Variants in DOCK3 observed in about 807,000 individuals in gnomAD.
The protein encoded by DOCK3 is dedicator of cytokinesis 3.
In DOCK3, 60 loss-of-function variants were observed where a neutral mutation model predicts 265.6. That is an observed-to-expected ratio of 0.23 (90% CI 0.18 to 0.28). DOCK3 has a LOEUF of 0.28. Ranked by LOEUF, DOCK3 falls within the 10% of genes least tolerant of loss-of-function variation. DOCK3 has a pLI of 1.00. For missense variants in DOCK3, 1,981 were observed against 2,594.3 expected, an observed-to-expected ratio of 0.76 and a Z score of 5.14; for synonymous variants, 881 against 938.0, an observed-to-expected ratio of 0.94 and a Z score of 1.11.
At chr3:51,339,097 G>A in intron 37 of DOCK3, 69 bp downstream of exon 37, 3 of 1,341,496 alleles carry the variant, frequency 2.2e-6, no homozygotes, top group Non-Finnish European at 3.0e-6. Context: ...ACAATAGGCA[G>A]AGAAAGGCTT....
intron 12 of DOCK3, among the ~76,000 whole-genome samples, chr3:51,169,754 AAAAAG>A (rs2107616804): frequency 6.6e-6 from 1 of 152,320 alleles, no homozygotes; most frequent in Admixed American, 6.5e-5. Flanking sequence ...TTAAAAAAAA[AAAAAG>A]AAATGGTCAT....
In DOCK3 at chr3:51,107,192, GA is replaced by G. The variant is rs200220461; in HGVS notation, c.746+16817del. On this transcript the variant is annotated intron_variant, in intron 9 of 52. Coordinates refer to ENST00000266037, the MANE Select transcript of DOCK3 (RefSeq NM_004947.5). ...CAAGGTCATTAAGTAGTATAAAAGG[GA>G]AAAAAAAACCATCCAAAGGATAGCA... Among the ~76,000 whole-genome samples the G allele has an allele frequency of 7.5e-3, 1,121 of 150,122 alleles. 12 individuals are homozygous for G. Among genetic ancestry groups the G allele is most frequent in the African/African-American group, 0.025 (1,038 of 40,938 alleles).
intron 49 of DOCK3, among the ~76,000 whole-genome samples, chr3:51,370,571 A>T (rs1043845335): frequency 5.3e-5 from 8 of 152,242 alleles, no homozygotes; most frequent in Non-Finnish European, 8.8e-5. Flanking sequence ...TTATTCACTT[A>T]TCAAGCTTTT....
intron 6 of DOCK3, among the ~76,000 whole-genome samples, chr3:51,071,121 G>A (rs1228763624): frequency 2.0e-5 from 3 of 152,108 alleles, no homozygotes; most frequent in African/African-American, 4.8e-5. Context: ...AGATAAAATA[G>A]AACATAGAAT....
chr3:51,296,441 A>G (rs1343272120), intron 27 of DOCK3, among the ~76,000 whole-genome samples: 1 of 152,136 alleles, frequency 6.6e-6, no homozygotes, highest in East Asian at 1.9e-4. Flanking sequence ...TAGATCAACA[A>G]AACTGGAGAG....
chr3:50,803,027 C>T (rs376089733), intron 2 of DOCK3, among the ~76,000 whole-genome samples: 7 of 147,096 alleles, frequency 4.8e-5, no homozygotes, highest in Admixed American at 6.8e-5. Flanking sequence ...TACAGAAATT[C>T]TTTTTTTTTT....
intron 7 of DOCK3, among the ~76,000 whole-genome samples, chr3:51,082,471 C>T (rs1294504369): frequency 6.6e-6 from 1 of 152,150 alleles, no homozygotes; most frequent in African/African-American, 2.4e-5. Flanking sequence ...GGAGACTGCC[C>T]CCATGACAAA....
intron 1 of DOCK3, among the ~76,000 whole-genome samples, chr3:50,728,987 G>A (rs1372176056): frequency 6.9e-6 from 1 of 144,004 alleles, no homozygotes; most frequent in African/African-American, 2.5e-5. Context: ...GCCTCCCAAA[G>A]TGCTGGGATT....
intron 27 of DOCK3, among the ~76,000 whole-genome samples, chr3:51,287,507 C>A (rs1300749820): frequency 2.0e-5 from 3 of 152,066 alleles, no homozygotes; most frequent in Non-Finnish European, 4.4e-5. Flanking sequence ...GCTGATTGTA[C>A]CACAGTTCTC....
chr3:50,740,778 T>G (rs1164139695), intron 1 of DOCK3, among the ~76,000 whole-genome samples: 1 of 152,168 alleles, frequency 6.6e-6, no homozygotes, highest in African/African-American at 2.4e-5. Flanking sequence ...ATTTCATGCC[T>G]TGTACCTGGG....
intron 5 of DOCK3, among the ~76,000 whole-genome samples, chr3:51,061,812 T>A (rs1575931835): frequency 6.6e-6 from 1 of 152,304 alleles, no homozygotes; most frequent in East Asian, 1.9e-4. Context: ...CTCCTTCTAG[T>A]TTCCTCTGCT....
intron 2 of DOCK3, among the ~76,000 whole-genome samples, chr3:50,824,567 C>G (rs1431785020): frequency 2.0e-5 from 3 of 152,134 alleles, no homozygotes; most frequent in Non-Finnish European, 4.4e-5. Context: ...TGGTATGTAT[C>G]TTTTCCTTGT....
chr3:50,841,503 AT>A (rs2045824284), intron 2 of DOCK3, among the ~76,000 whole-genome samples, 171 bp from the exon 3 acceptor site: 2 of 152,022 alleles, frequency 1.3e-5, no homozygotes, highest in Non-Finnish European at 2.9e-5. Flanking sequence ...TTTATTCACC[AT>A]ATGACTGTTC....
chr3:51,074,233 T>A (rs551693396), intron 6 of DOCK3, among the ~76,000 whole-genome samples: 2 of 152,286 alleles, frequency 1.3e-5, no homozygotes, highest in Admixed American at 1.3e-4. Flanking sequence ...AGAAAAAATT[T>A]ATAATGAACA....
intron 2 of DOCK3, among the ~76,000 whole-genome samples, chr3:50,799,347 C>G (rs1305832661): frequency 6.6e-6 from 1 of 152,162 alleles, no homozygotes; most frequent in Non-Finnish European, 1.5e-5. Context: ...GATTCATGAA[C>G]TTGGCCTTTC....
chr3:51,172,802 C>T (rs1364597233), intron 12 of DOCK3, among the ~76,000 whole-genome samples: 1 of 152,076 alleles, frequency 6.6e-6, no homozygotes, highest in East Asian at 1.9e-4. Flanking sequence ...TCTTCACCTT[C>T]TGTGTAACTA....
intron 4 of DOCK3, among the ~76,000 whole-genome samples, chr3:50,919,884 G>T (rs186260908): frequency 7.9e-5 from 12 of 152,238 alleles, no homozygotes; most frequent in Admixed American, 7.2e-4. Context: ...TTGGCTGTGG[G>T]TTTGTCATAA....
intron 9 of DOCK3, among the ~76,000 whole-genome samples, chr3:51,144,107 A>AC (rs1463596822): frequency 1.1e-4 from 17 of 151,610 alleles, no homozygotes; most frequent in South Asian, 2.1e-4. Flanking sequence ...CGTACTATAC[A>AC]CCCCCCCTTG....
intron 21 of DOCK3, among the ~76,000 whole-genome samples, chr3:51,238,306 C>G (rs983850210): frequency 6.6e-6 from 1 of 151,806 alleles, no homozygotes; most frequent in East Asian, 1.9e-4. Context: ...CCACACCTGG[C>G]TAATTTTTTG....
Sources: gnomAD v4.1 joint callset for allele counts (sites outside exome capture counted in the v4.1 genomes callset) on GRCh38, gnomAD v4.1.1 for gene constraint, MANE v1.5 for transcripts, NCBI Gene and HGNC (gene_info 2026-07-23, HGNC 2026-07-21) for gene names.